The following ANKRD28 variants were observed in gnomAD, a reference collection of about 807,000 sequenced individuals.
The protein encoded by ANKRD28 is serine/threonine-protein phosphatase 6 regulatory ankyrin repeat subunit A.
A neutral mutation model predicts 126.5 loss-of-function variants in ANKRD28; 44 were observed. The observed-to-expected ratio is 0.35, with a 90% CI of 0.27 to 0.45. The LOEUF (loss-of-function observed/expected upper bound fraction) is 0.45, where lower values mean the gene tolerates loss of function less well. ANKRD28 is among the 20% of genes least tolerant of loss of function. The pLI is 1.00. For synonymous variants in ANKRD28, 442 were observed against 468.5 expected (o/e 0.94, Z 0.73); for missense variants, 1,110 against 1,316.6 (o/e 0.84, Z 2.43).
At chr3:15,835,788 T>C (rs769737701) in intron 1 of ANKRD28, among the ~76,000 whole-genome samples, 1 of 152,188 alleles carries the variant, frequency 6.6e-6, no homozygotes, top group Non-Finnish European at 1.5e-5. Context: ...CTCTAAAATG[T>C]ATTATTCAGG....
At chr3:15,767,700 T>TAAAAAAAAAAAAAAAAAAAAAAA (rs57072807) in intron 2 of ANKRD28, among the ~76,000 whole-genome samples, 1 of 64,360 alleles carries the variant, frequency 1.6e-5, no homozygotes, top group Admixed American at 1.5e-4. Flanking sequence ...TAGTCTCTAC[T>TAAAAAAAAAAAAAAAAAAAAAAA]AAAAAAAAAA....
Position 15,855,781 on chromosome 3 carries a change from A to C in ANKRD28, c.27+3596T>G, listed in dbSNP as rs193013758. On this transcript the variant is annotated intron_variant, in intron 1 of 27. Coordinates refer to the ANKRD28 transcript ENST00000399451. ...GCTGCCAGGGCTGGGAGAAGGAGGA[A>C]ATGAAAGGTACAGCTAATGGGTATG... 3.9e-5 allele frequency among the ~76,000 whole-genome samples: 6 copies of C among 152,334 alleles called. No individual in the cohort carries two copies. The East Asian group carries it at 1.2e-3, about 29-fold the overall frequency.
intron 2 of ANKRD28, among the ~76,000 whole-genome samples, chr3:15,778,214 A>T (rs986200036): frequency 6.6e-6 from 1 of 152,168 alleles, no homozygotes; most frequent in Non-Finnish European, 1.5e-5. Flanking sequence ...GGAGATAGGA[A>T]TCTTGTTTAT....
At chr3:15,724,957 G>A (rs1188388904) in intron 6 of ANKRD28, among the ~76,000 whole-genome samples, 3 of 152,082 alleles carry the variant, frequency 2.0e-5, no homozygotes, top group African/African-American at 7.2e-5. Flanking sequence ...CTCCAGGGTG[G>A]GCAATGGAGC....
At chr3:15,850,224 T>TATATATAGAGAGAGAGAGAGAG (rs1418223588) in intron 1 of ANKRD28, among the ~76,000 whole-genome samples, 4 of 35,112 alleles carry the variant, frequency 1.1e-4, no homozygotes, top group Non-Finnish European at 2.4e-4. Context: ...TATATATATA[T>TATATATAGAGAGAGAGAGAGAG]AGAGAGAGAG....
intron 1 of ANKRD28, among the ~76,000 whole-genome samples, chr3:15,832,169 ATCACT>A (rs1439417967): frequency 6.6e-6 from 1 of 152,240 alleles, no homozygotes; most frequent in Non-Finnish European, 1.5e-5. Flanking sequence ...GACAAATAAG[ATCACT>A]TCAGATAGTG....
chr3:15,696,462 T>A (rs1262261871), intron 14 of ANKRD28, among the ~76,000 whole-genome samples: 1 of 152,112 alleles, frequency 6.6e-6, no homozygotes, highest in Admixed American at 6.6e-5. Flanking sequence ...TGATTCAAAG[T>A]GGATACCTCA....
intron 1 of ANKRD28, chr3:15,859,288 G>A (rs2126016497): frequency 6.7e-7 from 1 of 1,489,540 alleles, no homozygotes; most frequent in South Asian, 1.3e-5. Context: ...ACCCCGCCGA[G>A]CGGGCGTCCC....
Position 15,679,318 on chromosome 3 carries a change from G to A in ANKRD28, c.2544C>T (p.Ala848=), listed in dbSNP as rs375498237. ...IDTLGASIVN[A]TDSKGRTPLH... ...ATTCCTACCTTCCTTTTGAATCTGT[G>A]GCGTTCACAATGCTGGCACCTAATG... The change falls in exon 23 of 28, where the codon GCC becomes GCT. Residue 848 remains alanine (A), a synonymous_variant. Coordinates refer to ENST00000683139, the MANE Select transcript of ANKRD28 (RefSeq NM_001349278.2). 4.9e-5 allele frequency: 79 copies of A among 1,613,730 alleles called. No homozygotes were observed. Among genetic ancestry groups the A allele is most frequent in the Non-Finnish European group, 6.3e-5 (74 of 1,179,846 alleles).
intron 6 of ANKRD28, among the ~76,000 whole-genome samples, chr3:15,729,503 C>T (rs761609678): frequency 1.3e-5 from 2 of 152,150 alleles, no homozygotes; most frequent in African/African-American, 2.4e-5. Flanking sequence ...CATGAATCCC[C>T]AAATATATAC....
At chr3:15,762,943 G>T (rs1191924118) in intron 3 of ANKRD28, among the ~76,000 whole-genome samples, 1 of 152,194 alleles carries the variant, frequency 6.6e-6, no homozygotes, top group Non-Finnish European at 1.5e-5. Flanking sequence ...GGTGCTAAGA[G>T]GTAAGGCCAG....
chr3:15,792,499 G>C (rs540921212), intron 2 of ANKRD28, among the ~76,000 whole-genome samples: 1 of 152,228 alleles, frequency 6.6e-6, no homozygotes, highest in African/African-American at 2.4e-5. Flanking sequence ...TCACTTACTT[G>C]TGGGATCTGA....
chr3:15,797,125 T>C lies in ANKRD28; in HGVS notation c.-604A>G, dbSNP rs1399336827. 2.1e-5 allele frequency: 21 copies of C among 983,328 alleles called. No individual in the cohort carries two copies. The highest frequency in any genetic ancestry group is 2.4e-5 in the Non-Finnish European group (20 of 829,612). The allele number at this position is 983,328 out of a possible 1,614,324, so 60.9% of individuals were successfully genotyped here. On this transcript the variant is annotated 5_prime_UTR_variant, in exon 1 of 28. Transcript: ENST00000683139. ...GCAGATACTATTCACAGAAAAAAGATCTAGAGCTCAGCACAAATCCTGAAA... is the reference window on the plus strand; with the variant it reads ...GCAGATACTATTCACAGAAAAAAGACCTAGAGCTCAGCACAAATCCTGAAA...
intron 27 of ANKRD28, among the ~76,000 whole-genome samples, chr3:15,675,599 T>C (rs1312928861): frequency 3.3e-5 from 5 of 150,942 alleles, no homozygotes; most frequent in Non-Finnish European, 7.4e-5. Context: ...TTAACTAGGA[T>C]CTTGATACAT....
In ANKRD28 at chr3:15,796,767, TAAG is replaced by T; in HGVS notation, c.-249_-247del. On this transcript the variant is annotated 5_prime_UTR_variant, in exon 1 of 28. Coordinates refer to ENST00000683139, the MANE Select transcript of ANKRD28 (RefSeq NM_001349278.2). Reference sequence around the variant, plus strand: ...ATTTCTGTTGGATTACTGCAATACTTAAGAAGAAATTTCACACCAACATGTCAA... The same window carrying T: ...ATTTCTGTTGGATTACTGCAATACTTAAGAAATTTCACACCAACATGTCAA... 2 of 988,472 alleles carry T rather than the reference TAAG, an allele frequency of 2.0e-6. No homozygotes were observed. The highest frequency in any genetic ancestry group is 6.1e-5 in the Admixed American group (1 of 16,432). 61.2% of individuals were successfully genotyped at this position (988,472 alleles called of 1,614,324 possible). A position where few individuals can be genotyped will look rare whatever the true frequency, so the allele number is the denominator to read the frequency against.
chr3:15,675,658 C>A (rs1024138966), intron 27 of ANKRD28, among the ~76,000 whole-genome samples: 9 of 152,096 alleles, frequency 5.9e-5, no homozygotes, highest in African/African-American at 2.2e-4. Flanking sequence ...CAGAAAGTGG[C>A]AAGTATAAAC....
At chr3:15,789,443 AAAAAGAAAAG>A (rs200399481) in intron 2 of ANKRD28, among the ~76,000 whole-genome samples, 4 of 145,314 alleles carry the variant, frequency 2.8e-5, no homozygotes, top group Non-Finnish European at 5.9e-5. Flanking sequence ...TTTTTAAAAA[AAAAAGAAAAG>A]AAAAGAAAAG....
At chr3:15,671,294 C>T (rs1161492367) in intron 27 of ANKRD28, among the ~76,000 whole-genome samples, 1 of 152,098 alleles carries the variant, frequency 6.6e-6, no homozygotes, top group Admixed American at 6.5e-5. Flanking sequence ...TTTGGTACCT[C>T]AGTTGGTACA....
chr3:15,746,643 A>G (rs564347526), intron 4 of ANKRD28, among the ~76,000 whole-genome samples: 1 of 152,216 alleles, frequency 6.6e-6, no homozygotes, highest in East Asian at 1.9e-4. Flanking sequence ...TTATGCATCT[A>G]TGCTCATCAG....
Sources: allele counts gnomAD v4.1 joint callset (sites outside exome capture counted in the v4.1 genomes callset), GRCh38; gene constraint gnomAD v4.1.1; transcripts MANE v1.5; gene names NCBI Gene and HGNC (gene_info 2026-07-23, HGNC 2026-07-21).